MINDY4: variants seen among roughly 807,000 people sequenced by gnomAD.
The protein encoded by MINDY4 is probable ubiquitin carboxyl-terminal hydrolase MINDY-4.
MINDY4 carries 68 observed loss-of-function variants against 87.0 expected under a neutral mutation model. That is an observed-to-expected ratio of 0.78 (90% CI 0.64 to 0.96). The LOEUF is 0.96. MINDY4 is among the 40% of genes least tolerant of loss of function. The pLI is 0.00. For synonymous variants in MINDY4, 379 were observed against 363.2 expected (o/e 1.04, Z -0.50); for missense variants, 919 against 928.2 (o/e 0.99, Z 0.13).
intron 15 of MINDY4, among the ~76,000 whole-genome samples, chr7:30,881,497 C>T (rs1461431976): frequency 1.3e-5 from 2 of 152,190 alleles, no homozygotes; most frequent in Non-Finnish European, 2.9e-5. Context: ...CTCCCCAGGG[C>T]TCCATTCCTA....
intron 2 of MINDY4, chr7:30,780,530 T>TCGG (rs1278833961): frequency 6.6e-6 from 1 of 152,222 alleles, no homozygotes; most frequent in African/African-American, 2.4e-5. Flanking sequence ...ATACAATGAA[T>TCGG]CGGAGTGTAT....
At chr7:30,890,469 C>A (rs1790764302) in intron 17 of MINDY4, among the ~76,000 whole-genome samples, 1 of 152,152 alleles carries the variant, frequency 6.6e-6, no homozygotes. Context: ...TCTATAGGAG[C>A]AAGAAGCACA....
chr7:30,823,929 G>C (rs1296648083), intron 5 of MINDY4, among the ~76,000 whole-genome samples: 1 of 152,134 alleles, frequency 6.6e-6, no homozygotes, highest in African/African-American at 2.4e-5. Flanking sequence ...TAGGTGTGCT[G>C]GGGTATCACT....
At chr7:30,859,190 A>T (rs778026295) in intron 12 of MINDY4, 67 bp from the exon 13 acceptor site, 1 of 1,489,062 alleles carries the variant, frequency 6.7e-7, no homozygotes, top group South Asian at 1.1e-5. Flanking sequence ...TGGCTCCCAC[A>T]GAGGTGTGGG....
intron 1 of MINDY4, among the ~76,000 whole-genome samples, chr7:30,773,905 T>C (rs934734689): frequency 2.0e-5 from 3 of 152,188 alleles, no homozygotes; most frequent in Non-Finnish European, 2.9e-5. Context: ...CCCATCCTTA[T>C]AATTGCACCC....
At chr7:30,849,240 C>T (rs1482264536) in intron 9 of MINDY4, among the ~76,000 whole-genome samples, 4 of 152,294 alleles carry the variant, frequency 2.6e-5, no homozygotes, top group South Asian at 2.1e-4. Flanking sequence ...AGCACAGTTC[C>T]GCATGGAGCT....
intron 15 of MINDY4, among the ~76,000 whole-genome samples, chr7:30,880,875 G>T (rs1253655653): frequency 1.3e-5 from 2 of 152,132 alleles, no homozygotes; most frequent in Non-Finnish European, 2.9e-5. Flanking sequence ...GGAGGAGGCA[G>T]CTTTAAATGT....
At chr7:30,875,367 G>C in intron 14 of MINDY4, 128 bp from the exon 15 acceptor site, 1 of 1,046,288 alleles carries the variant, frequency 9.6e-7, no homozygotes, top group Admixed American at 1.7e-5. Context: ...AGCCTCCTCT[G>C]CTCTCAGGCT....
chr7:30,861,824 A>G (rs1232493075), intron 13 of MINDY4, among the ~76,000 whole-genome samples: 2 of 152,208 alleles, frequency 1.3e-5, no homozygotes, highest in African/African-American at 4.8e-5. Context: ...CTGCCATCTC[A>G]GTAGGCACAG....
chr7:30,820,268 T>C (rs1023759554), intron 5 of MINDY4, among the ~76,000 whole-genome samples: 3 of 152,208 alleles, frequency 2.0e-5, no homozygotes, highest in African/African-American at 7.2e-5. Context: ...TTTTTTTGCC[T>C]TTAGTATAAT....
intron 1 of MINDY4, among the ~76,000 whole-genome samples, chr7:30,776,640 T>C (rs1293923253): frequency 6.6e-6 from 1 of 152,236 alleles, no homozygotes; most frequent in Non-Finnish European, 1.5e-5. Flanking sequence ...GTTTCACAGA[T>C]AGGGAAACTG....
intron 5 of MINDY4, among the ~76,000 whole-genome samples, chr7:30,821,558 G>A (rs1788331076): frequency 6.6e-6 from 1 of 152,106 alleles, no homozygotes; most frequent in South Asian, 2.1e-4. Context: ...GTCTAGGTAT[G>A]CATTTATTTT....
intron 13 of MINDY4, among the ~76,000 whole-genome samples, chr7:30,867,079 C>T (rs1399535381): frequency 2.0e-5 from 3 of 152,188 alleles, no homozygotes; most frequent in Non-Finnish European, 2.9e-5. Flanking sequence ...TTATTGTTAT[C>T]CCTGTCAGGA....
chr7:30,822,507 C>A (rs377528895), intron 5 of MINDY4, among the ~76,000 whole-genome samples: 10 of 152,164 alleles, frequency 6.6e-5, no homozygotes, highest in African/African-American at 2.2e-4. Flanking sequence ...CATTATCTGA[C>A]ATGTAGCCCA....
rs116077316 is a variant in MINDY4, at chr7:30,843,753, T to A, written c.1445+2905T>A. Among the ~76,000 whole-genome samples, 1,135 of 146,762 alleles carry A rather than the reference T, an allele frequency of 7.7e-3. 14 individuals carry two copies. Among genetic ancestry groups the A allele is most frequent in the African/African-American group, 0.029 (1,074 of 36,548 alleles). On this transcript the variant is annotated intron_variant, in intron 9 of 17. Transcript: ENST00000265299. ...AGCTGGAGGAGTGAGGTTTTCTATCTGTCGTTGCCGGCCAGGCAGGTACCT... is the reference window on the plus strand; with the variant it reads ...AGCTGGAGGAGTGAGGTTTTCTATCAGTCGTTGCCGGCCAGGCAGGTACCT...
intron 4 of MINDY4, among the ~76,000 whole-genome samples, chr7:30,790,205 G>C (rs1787279249): frequency 6.6e-6 from 1 of 152,154 alleles, no homozygotes; most frequent in African/African-American, 2.4e-5. Flanking sequence ...AAACCTTTGG[G>C]CTGGATGTCT....
intron 13 of MINDY4, among the ~76,000 whole-genome samples, chr7:30,863,495 T>C (rs1229952848): frequency 6.6e-6 from 1 of 152,172 alleles, no homozygotes; most frequent in African/African-American, 2.4e-5. Flanking sequence ...TGATGTGTGA[T>C]GGAGAGGGCA....
At chr7:30,838,288 G>T (rs1788924421) in intron 7 of MINDY4, among the ~76,000 whole-genome samples, 1 of 152,146 alleles carries the variant, frequency 6.6e-6, no homozygotes, top group African/African-American at 2.4e-5. Flanking sequence ...CCAGAAGTCT[G>T]GAGAAGACAG....
chr7:30,829,965 G>A (rs1038797499), intron 6 of MINDY4, among the ~76,000 whole-genome samples: 1 of 152,100 alleles, frequency 6.6e-6, no homozygotes, highest in African/African-American at 2.4e-5. Context: ...CTTTGCTAAT[G>A]GCTCAGCTAA....
Sources: gnomAD v4.1 joint callset for allele counts (sites outside exome capture counted in the v4.1 genomes callset) on GRCh38, gnomAD v4.1.1 for gene constraint, MANE v1.5 for transcripts, NCBI Gene and HGNC (gene_info 2026-07-23, HGNC 2026-07-21) for gene names.